The following MTHFD1L variants were observed in gnomAD, a reference collection of about 807,000 sequenced individuals.
MTHFD1L encodes the protein monofunctional C1-tetrahydrofolate synthase, mitochondrial.
Under a neutral mutation model 119.5 loss-of-function variants are expected in MTHFD1L, and 81 were observed. The ratio of observed to expected loss-of-function variants is 0.68; its 90% CI spans 0.57 to 0.82. The LOEUF is 0.82. Among genes scored for constraint, MTHFD1L ranks in the 40% least tolerant of loss-of-function variants. The probability of loss-of-function intolerance (pLI) is 0.00; values close to 1 mark genes in which losing one functional copy is unlikely to be tolerated. For missense variants in MTHFD1L, 1,125 were observed against 1,253.4 expected (o/e 0.90, Z 1.55); for synonymous variants, 430 against 475.2 (o/e 0.90, Z 1.24).
intron 7 of MTHFD1L, among the ~76,000 whole-genome samples, chr6:150,904,832 T>C (rs776464904): frequency 6.6e-6 from 1 of 152,198 alleles, no homozygotes; most frequent in Non-Finnish European, 1.5e-5. Flanking sequence ...GCATTCTTTC[T>C]ACTTTCTTAG....
chr6:150,957,498 A>G (rs1795814068), intron 17 of MTHFD1L, among the ~76,000 whole-genome samples: 1 of 146,500 alleles, frequency 6.8e-6, no homozygotes, highest in African/African-American at 2.5e-5. Flanking sequence ...CTTTGGAACT[A>G]AAAATATTTT....
chr6:151,092,388 T>TA (rs761563221), intron 26 of MTHFD1L, 79 bp from the exon 27 acceptor site: 204 of 1,060,866 alleles, frequency 1.9e-4, no homozygotes, highest in Non-Finnish European at 2.7e-4. Flanking sequence ...TATTGAACGA[T>TA]AGAGTTAATT....
chr6:150,935,814 G>C (rs1364908175), intron 11 of MTHFD1L, among the ~76,000 whole-genome samples: 1 of 152,132 alleles, frequency 6.6e-6, no homozygotes, highest in Non-Finnish European at 1.5e-5. Context: ...AGCCAAGCAA[G>C]GATAGTAAAT....
chr6:150,954,260 C>G (rs1795282351), intron 16 of MTHFD1L, among the ~76,000 whole-genome samples: 1 of 152,212 alleles, frequency 6.6e-6, no homozygotes, highest in African/African-American at 2.4e-5. Context: ...TCAATGTGGA[C>G]AGCTTGTTAT....
chr6:151,010,363 G>C (rs1782049170), intron 21 of MTHFD1L, among the ~76,000 whole-genome samples: 1 of 152,210 alleles, frequency 6.6e-6, no homozygotes, highest in African/African-American at 2.4e-5. Context: ...GAGGATTAGA[G>C]TGAGTTCTTT....
intron 7 of MTHFD1L, among the ~76,000 whole-genome samples, chr6:150,904,439 A>G (rs537414954): frequency 6.6e-6 from 1 of 152,352 alleles, no homozygotes; most frequent in East Asian, 1.9e-4. Context: ...GACACAGGAC[A>G]TACCGTAGAG....
At chr6:151,002,435 C>T (rs920401712) in intron 20 of MTHFD1L, among the ~76,000 whole-genome samples, 2 of 152,144 alleles carry the variant, frequency 1.3e-5, no homozygotes, top group African/African-American at 4.8e-5. Flanking sequence ...ACTTGAGGCC[C>T]TCTCCCCATG....
rs985323451 is a variant in MTHFD1L at position 150,867,262 on chromosome 6, G to A, written c.227+1213G>A. Reference sequence around the variant, plus strand: ...GCTGGAGTTCAGTGGTGCCATCTCGGCTCAATGCAGCCTCCGCCTCCTGGG... The same window carrying A: ...GCTGGAGTTCAGTGGTGCCATCTCGACTCAATGCAGCCTCCGCCTCCTGGG... On this transcript the variant is annotated intron_variant, in intron 1 of 27. Transcript: ENST00000367321. Among the ~76,000 whole-genome samples, 7 of 152,146 alleles carry A rather than the reference G, an allele frequency of 4.6e-5. No homozygotes were observed. The East Asian group carries it at 5.8e-4, about 13-fold the overall frequency.
chr6:150,940,587 A>G (rs1792921706), intron 13 of MTHFD1L, among the ~76,000 whole-genome samples: 1 of 151,400 alleles, frequency 6.6e-6, no homozygotes, highest in South Asian at 2.1e-4. Flanking sequence ...ATTTTATTTT[A>G]TTTTATTTTT....
At chr6:151,048,456 A>G (rs1475894174) in intron 26 of MTHFD1L, among the ~76,000 whole-genome samples, 1 of 152,180 alleles carries the variant, frequency 6.6e-6, no homozygotes, top group Non-Finnish European at 1.5e-5. Flanking sequence ...TGGGAAGTCC[A>G]GTGTAGAACA....
rs951121165 is a variant in MTHFD1L, at chr6:151,070,607, C to T, written c.2848-21860C>T. Among the ~76,000 whole-genome samples the T allele has an allele frequency of 2.0e-5, 3 of 152,186 alleles. No individual in the cohort carries two copies. In the South Asian group the frequency reaches 6.2e-4, roughly 32 times the overall value. Reference sequence around the variant, plus strand: ...TATCAGGACTTGCAGACCACATGGTCTCTGTCCTAACTACTCAACTCTGCC... The same window carrying T: ...TATCAGGACTTGCAGACCACATGGTTTCTGTCCTAACTACTCAACTCTGCC... On this transcript the variant is annotated intron_variant, in intron 26 of 27. Coordinates refer to ENST00000367321, the MANE Select transcript of MTHFD1L (RefSeq NM_015440.5).
At chr6:151,033,901 C>T (rs868241196) in intron 24 of MTHFD1L, among the ~76,000 whole-genome samples, 9 of 152,168 alleles carry the variant, frequency 5.9e-5, no homozygotes, top group South Asian at 2.1e-4. Context: ...ACAGGCCAGG[C>T]GTGATGGCTC....
At chr6:150,908,915 T>A (rs1786386632) in intron 8 of MTHFD1L, among the ~76,000 whole-genome samples, 1 of 152,098 alleles carries the variant, frequency 6.6e-6, no homozygotes, top group African/African-American at 2.4e-5. Context: ...GAGCTCTTAT[T>A]TAAACTTAAG....
intron 26 of MTHFD1L, among the ~76,000 whole-genome samples, chr6:151,080,525 C>G (rs1793039976): frequency 6.6e-6 from 1 of 152,124 alleles, no homozygotes; most frequent in Non-Finnish European, 1.5e-5. Context: ...GAAGCCTTTG[C>G]AAGTAGCATA....
chr6:151,025,056 A>G (rs1466672718), intron 24 of MTHFD1L, among the ~76,000 whole-genome samples: 3 of 152,212 alleles, frequency 2.0e-5, no homozygotes, highest in African/African-American at 4.8e-5. Flanking sequence ...AAGATTACCC[A>G]TGTGGATTTC....
At chr6:150,987,939 G>A (rs145902174) in intron 20 of MTHFD1L, among the ~76,000 whole-genome samples, 8 of 152,320 alleles carry the variant, frequency 5.3e-5, no homozygotes, top group African/African-American at 1.9e-4. Flanking sequence ...TTTGGAAGGA[G>A]TTTTGAGGTT....
At chr6:150,985,884 C>A (rs1392859167) in intron 20 of MTHFD1L, among the ~76,000 whole-genome samples, 16 of 152,110 alleles carry the variant, frequency 1.1e-4, no homozygotes, top group Admixed American at 9.8e-4. Flanking sequence ...GAAACTCCAA[C>A]GTGAAAATTG....
intron 26 of MTHFD1L, among the ~76,000 whole-genome samples, chr6:151,072,254 G>A (rs1792033216): frequency 6.6e-6 from 1 of 152,070 alleles, no homozygotes; most frequent in South Asian, 2.1e-4. Flanking sequence ...GGTTTAGAAA[G>A]CAATTTCATT....
intron 8 of MTHFD1L, among the ~76,000 whole-genome samples, chr6:150,913,322 G>A (rs954253371): frequency 2.4e-5 from 3 of 123,610 alleles, no homozygotes; most frequent in African/African-American, 3.7e-5. Context: ...CACCACGCCC[G>A]GCTAGTTTTT....
Sources: allele counts gnomAD v4.1 joint callset (sites outside exome capture counted in the v4.1 genomes callset), GRCh38; gene constraint gnomAD v4.1.1; transcripts MANE v1.5; gene names NCBI Gene and HGNC (gene_info 2026-07-23, HGNC 2026-07-21).